Variants in MBNL2 observed in about 807,000 individuals in gnomAD.
MBNL2 encodes muscleblind-like protein 2.
In MBNL2, 17 loss-of-function variants were observed where a neutral mutation model predicts 41.9. The observed-to-expected ratio is 0.41, with a 90% confidence interval of 0.28 to 0.61. The LOEUF is 0.61. Ranked by LOEUF, MBNL2 falls within the 20% of genes least tolerant of loss-of-function variation. The pLI is 0.35. For missense variants in MBNL2, 336 were observed against 505.6 expected (o/e 0.66, Z 3.22); for synonymous variants, 195 against 182.9 (o/e 1.07, Z -0.53).
chr13:97,208,522 TA>T, the MBNL2 span, among the ~76,000 whole-genome samples: 1 of 152,210 alleles, frequency 6.6e-6, no homozygotes, highest in African/African-American at 2.4e-5. Context: ...TGGATTTCTC[TA>T]ATCAATCTCC....
At chr13:97,220,547 A>G (rs2040767750), upstream of MBNL2, among the ~76,000 whole-genome samples, 1 of 152,250 alleles carries the variant, frequency 6.6e-6, no homozygotes, top group South Asian at 2.1e-4. Flanking sequence ...AAGGCCCTTG[A>G]AAGTCTATAA....
intron 8 of MBNL2, among the ~76,000 whole-genome samples, chr13:97,376,997 T>C (rs61649100): frequency 0.028 from 4,257 of 152,194 alleles, 214 homozygotes; most frequent in African/African-American, 0.098. Flanking sequence ...CCTGAGAAAG[T>C]GCTTTAACGG....
the MBNL2 span, among the ~76,000 whole-genome samples, chr13:97,211,579 AAG>A: frequency 3.2e-4 from 48 of 152,308 alleles, no homozygotes; most frequent in African/African-American, 1.1e-3. Context: ...ATTTTAGAGA[AAG>A]AATGCAGTGA....
intron 1 of MBNL2, among the ~76,000 whole-genome samples, chr13:97,263,035 C>T (rs1006404495): frequency 3.9e-5 from 6 of 152,194 alleles, no homozygotes; most frequent in Non-Finnish European, 8.8e-5. Context: ...GATCCACTCG[C>T]CTCGGCCTCC....
intron 1 of MBNL2, among the ~76,000 whole-genome samples, chr13:97,274,026 A>C (rs988353610): frequency 6.6e-6 from 1 of 152,102 alleles, no homozygotes; most frequent in East Asian, 1.9e-4. Context: ...ACACCACTGC[A>C]CTCCAGCCTG....
At chr13:97,301,853 T>G (rs1370069372) in intron 2 of MBNL2, among the ~76,000 whole-genome samples, 1 of 152,226 alleles carries the variant, frequency 6.6e-6, no homozygotes, top group Non-Finnish European at 1.5e-5. Flanking sequence ...CATCAGTTGC[T>G]CTGGGTGACT....
chr13:97,308,804 G>C (rs2058340669), intron 2 of MBNL2, among the ~76,000 whole-genome samples: 1 of 152,214 alleles, frequency 6.6e-6, no homozygotes, highest in South Asian at 2.1e-4. Context: ...GCAAGGATGA[G>C]TAAGTTCCTG....
chr13:97,217,029 C>T (rs1260798709), upstream of MBNL2, among the ~76,000 whole-genome samples: 1 of 144,200 alleles, frequency 6.9e-6, no homozygotes, highest in Non-Finnish European at 1.5e-5. Flanking sequence ...ATACATATAA[C>T]ATAATATACA....
intron 1 of MBNL2, among the ~76,000 whole-genome samples, chr13:97,234,283 G>A (rs1032667099): frequency 4.6e-5 from 7 of 152,134 alleles, no homozygotes; most frequent in Admixed American, 2.0e-4. Context: ...GCCCCTTCAC[G>A]TACTTGAAGA....
At chr13:97,217,813 G>A (rs1288309800), upstream of MBNL2, among the ~76,000 whole-genome samples, 1 of 152,086 alleles carries the variant, frequency 6.6e-6, no homozygotes, top group African/African-American at 2.4e-5. Flanking sequence ...TGAAAGGTGA[G>A]GGGCAAAATT....
chr13:97,255,797 T>C (rs1261472824), intron 1 of MBNL2, among the ~76,000 whole-genome samples: 2 of 152,214 alleles, frequency 1.3e-5, no homozygotes, highest in Non-Finnish European at 2.9e-5. Flanking sequence ...CCGTGAAGCA[T>C]CCATAATCTA....
chr13:97,191,061 T>G, the MBNL2 span, among the ~76,000 whole-genome samples: 2 of 152,114 alleles, frequency 1.3e-5, no homozygotes, highest in Admixed American at 1.3e-4. Flanking sequence ...GTCATACTAT[T>G]GTGTAGACAA....
intron 1 of MBNL2, among the ~76,000 whole-genome samples, chr13:97,224,809 T>C (rs969829023): frequency 6.6e-6 from 1 of 152,228 alleles, no homozygotes; most frequent in African/African-American, 2.4e-5. Context: ...TTTTTAGGGA[T>C]ACTTTTTCTT....
chr13:97,180,307 G>A, the MBNL2 span, among the ~76,000 whole-genome samples: 8 of 152,266 alleles, frequency 5.3e-5, no homozygotes, highest in Non-Finnish European at 1.5e-5. Context: ...GAAGTTACCA[G>A]TTTTTGAGCT....
chr13:97,151,654 G>C, the MBNL2 span, among the ~76,000 whole-genome samples: 1 of 152,166 alleles, frequency 6.6e-6, no homozygotes, highest in Non-Finnish European at 1.5e-5. Context: ...GTGCAAACTG[G>C]TTTCAAGTTT....
At position 97,279,684 on chromosome 13, in the gene MBNL2, C is replaced by T. The variant is rs563960200; in HGVS notation, c.174+3275C>T. Among the ~76,000 whole-genome samples, 10 of 152,166 alleles carry T rather than the reference C, an allele frequency of 6.6e-5. No homozygotes were observed. In the South Asian group the frequency reaches 1.2e-3, roughly 19 times the overall value. On this transcript the variant is annotated intron_variant, in intron 2 of 8. Transcript: ENST00000679496. ...ACTGTGGACAATTTATTTATAACTG[C>T]GAAAGGAATCTATGTTGGCCTATCA...
intron 2 of MBNL2, among the ~76,000 whole-genome samples, chr13:97,277,545 A>G (rs2152931084): frequency 6.6e-6 from 1 of 152,330 alleles, no homozygotes; most frequent in East Asian, 1.9e-4. Context: ...TAAGTAAAAA[A>G]TTATGTCTCA....
At chr13:97,320,043 G>A (rs935885322) in intron 2 of MBNL2, among the ~76,000 whole-genome samples, 3 of 152,130 alleles carry the variant, frequency 2.0e-5, no homozygotes, top group Non-Finnish European at 4.4e-5. Context: ...GGAGGAGACT[G>A]TAGTATTTTG....
chr13:97,217,245 G>A (rs2040458638), upstream of MBNL2, among the ~76,000 whole-genome samples: 1 of 151,806 alleles, frequency 6.6e-6, no homozygotes, highest in Non-Finnish European at 1.5e-5. Context: ...TATTACCAGT[G>A]CCATTTCCAA....
Sources: gnomAD v4.1 joint callset for allele counts (sites outside exome capture counted in the v4.1 genomes callset) on GRCh38, gnomAD v4.1.1 for gene constraint, MANE v1.5 for transcripts, NCBI Gene and HGNC (gene_info 2026-07-23, HGNC 2026-07-21) for gene names.